CPA1: variants seen among roughly 807,000 people sequenced by gnomAD.
CPA1 encodes carboxypeptidase A1 (pancreatic).
A neutral mutation model predicts 48.7 loss-of-function variants in CPA1; 42 were observed. The ratio of observed to expected loss-of-function variants is 0.86; its 90% CI spans 0.67 to 1.11. CPA1 has a LOEUF of 1.11. Ranked by LOEUF, CPA1 falls within the 50% of genes most tolerant of loss-of-function variation. The pLI, the probability that CPA1 is intolerant of heterozygous loss-of-function variation, is 0.00. For missense variants in CPA1, 477 were observed against 544.7 expected, an observed-to-expected ratio of 0.88 and a Z score of 1.24; for synonymous variants, 203 against 217.9, an observed-to-expected ratio of 0.93 and a Z score of 0.60.
chr7:130,383,055 A>G (rs1796426495), intron 4 of CPA1, among the ~76,000 whole-genome samples: 1 of 152,154 alleles, frequency 6.6e-6, no homozygotes, highest in African/African-American at 2.4e-5. Context: ...TGCTGGGATT[A>G]CAGGCGTGAG....
At chr7:130,383,105 GT>G (rs1164264654) in intron 4 of CPA1, among the ~76,000 whole-genome samples, 1 of 152,188 alleles carries the variant, frequency 6.6e-6, no homozygotes, top group Non-Finnish European at 1.5e-5. Flanking sequence ...TGTTTGTGAT[GT>G]CCCCCAGAGA....
chr7:130,382,259 C>G lies in CPA1; in HGVS notation c.483+50C>G, dbSNP rs781931789. 29 of 1,416,092 alleles carry G rather than the reference C, an allele frequency of 2.0e-5. No individual in the cohort carries two copies. In the East Asian group the frequency reaches 6.2e-4, roughly 30 times the overall value. The allele number at this position is 1,416,092 out of a possible 1,614,324, so 87.7% of individuals were successfully genotyped here. ...CAGGGGAGAATGGACCCACACGTGGCATCCGTGATGGGCGTGGGCTCTCCC... is the reference window on the plus strand; with the variant it reads ...CAGGGGAGAATGGACCCACACGTGGGATCCGTGATGGGCGTGGGCTCTCCC... On this transcript the variant is annotated intron_variant, in intron 4 of 9. Coordinates refer to ENST00000011292, the MANE Select transcript of CPA1 (RefSeq NM_001868.4).
chr7:130,385,778 C>A (rs1208271413), intron 8 of CPA1, 61 bp from the exon 9 acceptor site: 3 of 1,417,604 alleles, frequency 2.1e-6, no homozygotes, highest in African/African-American at 2.8e-5. Context: ...CCAGACTACC[C>A]TGGACATGCT....
At chr7:130,386,039 C>G (rs1326683341) in intron 9 of CPA1, 116 bp downstream of exon 9, 1 of 865,994 alleles carries the variant, frequency 1.2e-6, no homozygotes, top group Admixed American at 2.2e-5. Context: ...GATCTGTCAA[C>G]TGCTGGCAAG....
rs1303947345 is a variant in CPA1, at chr7:130,381,643, G to A, written c.161G>A (p.Arg54Gln). 10 of 1,613,336 alleles carry A rather than the reference G, an allele frequency of 6.2e-6. No individual in the cohort carries two copies. The Admixed American group carries it at 6.7e-5, about 11-fold the overall frequency. Residue 54 changes from arginine (R) to glutamine (Q), a missense_variant, in exon 3 of 10, where the codon CGG becomes CAG. Coordinates refer to ENST00000011292, the MANE Select transcript of CPA1 (RefSeq NM_001868.4). ...DLEHLQLDFW[R>Q]GPAHPGSPID... The stretch of plus-strand genomic sequence containing the variant: ...TGTCCTCCCCAGCTGGACTTCTGGC[G>A]GGGGCCTGCCCACCCTGGCTCCCCC...
intron 9 of CPA1, among the ~76,000 whole-genome samples, chr7:130,386,132 T>C (rs538046845): frequency 6.6e-6 from 1 of 152,300 alleles, no homozygotes; most frequent in Non-Finnish European, 1.5e-5. Context: ...TGAATTCCTC[T>C]GACAGCTCTT....
Position 130,385,306 on chromosome 7 carries a change from T to C in CPA1, c.948T>C (p.Tyr316=), listed in dbSNP as rs1554411834. The C allele has an allele frequency of 1.9e-6, 3 of 1,614,190 alleles. No individual in the cohort carries two copies. The highest frequency in any genetic ancestry group is 2.5e-6 in the Non-Finnish European group (3 of 1,180,024). The change falls in exon 8 of 10, where the codon TAT becomes TAC. Residue 316 remains tyrosine, a synonymous_variant. Transcript: ENST00000011292. ...ACTCCCAGCTCCTCATGTATCCCTA[T>C]GGCTACAAAACAGAACCAGTCCCTG... ...HSYSQLLMYP[Y]GYKTEPVPDQ... is the part of the protein sequence containing the mutation.
At position 130,383,675 on chromosome 7, in the gene CPA1, AC is replaced by A. The variant is rs1554411559; in HGVS notation, c.586-3del. On this transcript the variant is annotated splice_region_variant and splice_polypyrimidine_tract_variant and intron_variant, in intron 5 of 9. Coordinates refer to ENST00000011292, the MANE Select transcript of CPA1 (RefSeq NM_001868.4). ...CCTGCGCTGCCCCTCTGCTCCTCTA[AC>A]CCCCCAGATCACTCAAGACTACGGG... is the stretch of plus-strand genomic sequence containing the variant. The A allele has an allele frequency of 6.2e-7, 1 of 1,606,080 alleles. No individual in the cohort carries two copies.
chr7:130,383,799 C>T lies in CPA1; in HGVS notation c.696+5C>T, dbSNP rs528877594. 43 of 1,596,590 alleles carry T rather than the reference C, an allele frequency of 2.7e-5. No individual in the cohort carries two copies. The highest frequency in any genetic ancestry group is 3.4e-5 in the Admixed American group (2 of 59,132). On this transcript the variant is annotated splice_donor_5th_base_variant and intron_variant, in intron 6 of 9. Coordinates refer to ENST00000011292, the MANE Select transcript of CPA1 (RefSeq NM_001868.4). Reference sequence around the variant, plus strand: ...TTTGCCTTCACGCACAGCACGGTACCGGCCTTCTCCTGTCCTTGGGGGAAG... The same window carrying T: ...TTTGCCTTCACGCACAGCACGGTACTGGCCTTCTCCTGTCCTTGGGGGAAG...
At chr7:130,382,348 G>A (rs1168592678) in intron 4 of CPA1, 139 bp downstream of exon 4, 2 of 656,034 alleles carry the variant, frequency 3.0e-6, no homozygotes, top group Non-Finnish European at 2.7e-6. Context: ...ATTTGGAAAG[G>A]CCTGAGTCTC....
At chr7:130,384,700 G>T in intron 7 of CPA1, 74 bp downstream of exon 7, 1 of 1,267,212 alleles carries the variant, frequency 7.9e-7, no homozygotes, top group Non-Finnish European at 1.1e-6. Context: ...CTTGCTCCCC[G>T]CCTCTCTCCT....
rs1294063727 is a variant in CPA1 at position 130,383,667 on chromosome 7, C to T, written c.586-17C>T. The T allele has an allele frequency of 1.9e-6, 3 of 1,596,262 alleles. No homozygotes were observed. In the African/African-American group the frequency reaches 4.0e-5, roughly 21 times the overall value. On this transcript the variant is annotated splice_polypyrimidine_tract_variant and intron_variant, in intron 5 of 9. Coordinates refer to ENST00000011292, the MANE Select transcript of CPA1 (RefSeq NM_001868.4). ...TGGCCCAGCCTGCGCTGCCCCTCTG[C>T]TCCTCTAACCCCCCAGATCACTCAA...
chr7:130,384,532 T>C lies in CPA1; in HGVS notation c.697-4T>C. ...GGGGTGGCTGATCCCATTTCCTTCC[T>C]CAGAATCGCATGTGGCGCAAGACTC... On this transcript the variant is annotated splice_region_variant and splice_polypyrimidine_tract_variant and intron_variant, in intron 6 of 9. Coordinates refer to ENST00000011292, the MANE Select transcript of CPA1 (RefSeq NM_001868.4). The C allele has an allele frequency of 6.2e-7, 1 of 1,614,072 alleles. No homozygotes were observed. Among genetic ancestry groups the C allele is most frequent in the Non-Finnish European group, 8.5e-7 (1 of 1,179,948 alleles).
At chr7:130,383,005 T>C (rs1375739734) in intron 4 of CPA1, among the ~76,000 whole-genome samples, 1 of 151,960 alleles carries the variant, frequency 6.6e-6, no homozygotes, top group Non-Finnish European at 1.5e-5. Context: ...GGTCTCAAAC[T>C]CCTGGGCTCA....
rs961445616 is a variant in CPA1 at position 130,381,571 on chromosome 7, T to C, written c.148-59T>C. The C allele has an allele frequency of 7.5e-6, 10 of 1,339,510 alleles. 1 individual carries two copies. The highest frequency in any genetic ancestry group is 1.1e-5 in the Non-Finnish European group (10 of 939,618). The allele number at this position is 1,339,510 out of a possible 1,614,324, so 83.0% of individuals were successfully genotyped here. A position where few individuals can be genotyped will look rare whatever the true frequency, so the allele number is the denominator to read the frequency against. ...CTCCCACGCAGGCCCTGTCCCTGCC[T>C]GCTGTCCTGGCTGGTGCCCCCAGCC... is the stretch of plus-strand genomic sequence containing the variant. On this transcript the variant is annotated intron_variant, in intron 2 of 9. Coordinates refer to ENST00000011292, the MANE Select transcript of CPA1 (RefSeq NM_001868.4).
Position 130,383,785 on chromosome 7 carries a change from G to T in CPA1, c.687G>T (p.Thr229=), listed in dbSNP as rs370302338. 4 of 1,611,372 alleles carry T rather than the reference G, an allele frequency of 2.5e-6. No individual in the cohort carries two copies. The highest frequency in any genetic ancestry group is 1.3e-5 in the African/African-American group (1 of 74,846). The part of the protein sequence containing the change: ...IVTNPDGFAF[T]HSTNRMWRKT... ...CCAACCCTGATGGCTTTGCCTTCAC[G>T]CACAGCACGGTACCGGCCTTCTCCT... Residue 229 remains threonine (T), a synonymous_variant, in exon 6 of 10, where the codon ACG becomes ACT. Transcript: ENST00000011292.
Position 130,381,825 on chromosome 7 carries a change from G to C in CPA1, c.343G>C (p.Asp115His), listed in dbSNP as rs782573440. 4 of 1,613,930 alleles carry C rather than the reference G, an allele frequency of 2.5e-6. No individual in the cohort carries two copies. The highest frequency in any genetic ancestry group is 1.1e-5 in the South Asian group (1 of 91,084). ...FAFRSRARST[D>H]TFNYATYHTL... ...CTTCCGGTCCCGGGCGCGCTCCACC[G>C]ACACTTTTAACTACGCCACCTACCA... The change falls in exon 3 of 10, where the codon GAC (aspartate) becomes CAC (histidine). Residue 115 changes from aspartate to histidine, a missense_variant. Coordinates refer to ENST00000011292, the MANE Select transcript of CPA1 (RefSeq NM_001868.4).
At chr7:130,385,678 C>T (rs571982111) in intron 8 of CPA1, among the ~76,000 whole-genome samples, 161 bp from the exon 9 acceptor site, 5 of 152,330 alleles carry the variant, frequency 3.3e-5, no homozygotes, top group South Asian at 4.1e-4. Context: ...GACAGGCTCC[C>T]GGGCTGAGCT....
intron 7 of CPA1, 144 bp downstream of exon 7, chr7:130,384,770 T>C: frequency 1.5e-6 from 1 of 684,626 alleles, no homozygotes; most frequent in Non-Finnish European, 2.5e-6. Context: ...CTCTTGGGGA[T>C]GGAGGCTGTG....
Sources: allele counts gnomAD v4.1 joint callset (sites outside exome capture counted in the v4.1 genomes callset), GRCh38; gene constraint gnomAD v4.1.1; transcripts MANE v1.5; gene names NCBI Gene and HGNC (gene_info 2026-07-23, HGNC 2026-07-21).